The following CA13 variants were observed in gnomAD, a reference collection of about 807,000 sequenced individuals.
CA13 encodes the protein CA-XIII.
Under a neutral mutation model 31.5 loss-of-function variants are expected in CA13, and 21 were observed. The observed-to-expected ratio is 0.67, with a 90% CI of 0.47 to 0.96. The LOEUF is 0.96. Ranked by LOEUF, CA13 falls within the 40% of genes least tolerant of loss-of-function variation. CA13 has a pLI of 0.00. For missense variants in CA13, 315 were observed against 318.9 expected, an observed-to-expected ratio of 0.99 and a Z score of 0.09; for synonymous variants, 117 against 111.4, an observed-to-expected ratio of 1.05 and a Z score of -0.32.
At chr8:85,272,521 G>T (rs948851674) in intron 6 of CA13, among the ~76,000 whole-genome samples, 1 of 152,132 alleles carries the variant, frequency 6.6e-6, no homozygotes, top group African/African-American at 2.4e-5. Flanking sequence ...CTCCCAAAGT[G>T]CTGGGATTAC....
intron 2 of CA13, among the ~76,000 whole-genome samples, chr8:85,253,275 AT>A (rs1300263963): frequency 1.4e-5 from 2 of 139,892 alleles, no homozygotes; most frequent in East Asian, 2.3e-4. Context: ...TTATTTATTT[AT>A]TTTTTTGAGA....
chr8:85,282,166 C>T lies in CA13; in HGVS notation c.*817C>T, dbSNP rs1807718678. On this transcript the variant is annotated 3_prime_UTR_variant, in exon 7 of 7. Coordinates refer to ENST00000321764, the MANE Select transcript of CA13 (RefSeq NM_198584.3). ...ATTTTTGCAGTGATTATATTGCTAA[C>T]TCTCATTGCATGATACCTTTAATAA... 6.6e-6 allele frequency: 1 copy of T among 152,174 alleles called. No individual in the cohort carries two copies. The highest frequency in any genetic ancestry group is 1.5e-5 in the Non-Finnish European group (1 of 68,022). 9.4% of individuals were successfully genotyped at this position (152,174 alleles called of 1,614,324 possible).
At chr8:85,250,573 A>G (rs1285338815) in intron 1 of CA13, among the ~76,000 whole-genome samples, 167 bp from the exon 2 acceptor site, 4 of 152,228 alleles carry the variant, frequency 2.6e-5, no homozygotes, top group Non-Finnish European at 5.9e-5. Flanking sequence ...AAAAACAACT[A>G]ATCTTGTAAA....
chr8:85,281,189 G>A, intron 6 of CA13, 41 bp from the exon 7 acceptor site: 1 of 1,598,026 alleles, frequency 6.3e-7, no homozygotes, highest in Non-Finnish European at 8.6e-7. Flanking sequence ...AATATTGGTG[G>A]GAATTTCTAT....
Position 85,267,906 on chromosome 8 carries a change from G to T in CA13, c.455G>T (p.Gly152Val). 1.3e-6 allele frequency: 2 copies of T among 1,591,766 alleles called. No homozygotes were observed. Among genetic ancestry groups the T allele is most frequent in the East Asian group, 2.2e-5 (1 of 44,568 alleles). The change falls in exon 5 of 7, where the codon GGT (glycine) becomes GTT (valine). Residue 152 changes from glycine (G) to valine (V), a missense_variant. Transcript: ENST00000321764. ...TTTGAAATTTCATGTTTTTAGATTG[G>T]TGAACCTAATTCCCAACTGCAAAAG... is the stretch of plus-strand genomic sequence containing the variant. ...LAVLGVFLQI[G>V]EPNSQLQKIT...
chr8:85,279,325 A>G (rs1305857343), intron 6 of CA13, among the ~76,000 whole-genome samples: 1 of 152,168 alleles, frequency 6.6e-6, no homozygotes, highest in Non-Finnish European at 1.5e-5. Context: ...CCAGCCAGGG[A>G]TGTGCATTTT....
At chr8:85,247,277 G>A (rs914773543) in intron 1 of CA13, among the ~76,000 whole-genome samples, 4 of 151,940 alleles carry the variant, frequency 2.6e-5, no homozygotes, top group Admixed American at 1.3e-4. Flanking sequence ...GAAGAAGAAG[G>A]GTATTTCAAT....
intron 6 of CA13, among the ~76,000 whole-genome samples, chr8:85,280,372 T>C (rs766826215): frequency 2.4e-4 from 37 of 152,316 alleles, no homozygotes; most frequent in Admixed American, 7.2e-4. Flanking sequence ...TAGAGCATGG[T>C]TATAAACTGT....
chr8:85,275,705 C>T (rs1351956434), intron 6 of CA13, among the ~76,000 whole-genome samples: 2 of 152,152 alleles, frequency 1.3e-5, no homozygotes, highest in Admixed American at 1.3e-4. Context: ...CACTGCTTAC[C>T]TTTTGGACAA....
intron 6 of CA13, among the ~76,000 whole-genome samples, chr8:85,275,981 G>A (rs1443224533): frequency 6.6e-6 from 1 of 152,234 alleles, no homozygotes; most frequent in African/African-American, 2.4e-5. Flanking sequence ...GAGCCCTTCA[G>A]CCCGCCGCTG....
rs955492609 is a variant in CA13, at chr8:85,250,833, C to T, written c.131C>T (p.Ser44Phe). ...IKTKEVKYDS[S>F]LRPLSIKYDP... ...ACCAAAGAAGTGAAATATGACTCTT[C>T]CCTCCGACCACTTAGTATCAAGTAT... is the stretch of plus-strand genomic sequence containing the variant. Residue 44 changes from serine (S) to phenylalanine (F), a missense_variant, in exon 2 of 7, where the codon TCC becomes TTC. Transcript: ENST00000321764. 1.9e-6 allele frequency: 3 copies of T among 1,613,806 alleles called. No homozygotes were observed. Among genetic ancestry groups the T allele is most frequent in the African/African-American group, 1.3e-5 (1 of 74,990 alleles).
At chr8:85,277,396 G>A (rs998888527) in intron 6 of CA13, among the ~76,000 whole-genome samples, 12 of 152,030 alleles carry the variant, frequency 7.9e-5, no homozygotes, top group Non-Finnish European at 1.5e-4. Context: ...CTGAGCCAGC[G>A]AGACCATGAA....
At chr8:85,270,675 C>T (rs1807516573) in intron 6 of CA13, among the ~76,000 whole-genome samples, 1 of 152,204 alleles carries the variant, frequency 6.6e-6, no homozygotes, top group Non-Finnish European at 1.5e-5. Flanking sequence ...TGTTTTCCCT[C>T]ATATTTCAAG....
At chr8:85,253,124 T>C (rs1333080874) in intron 2 of CA13, among the ~76,000 whole-genome samples, 1 of 152,072 alleles carries the variant, frequency 6.6e-6, no homozygotes, top group Non-Finnish European at 1.5e-5. Context: ...TTTGTATTTT[T>C]AGTAGAGACA....
Position 85,258,930 on chromosome 8 carries a change from GA to G in CA13, c.236-479del, listed in dbSNP as rs113066718. Among the ~76,000 whole-genome samples, 599 of 142,000 alleles carry G rather than the reference GA, an allele frequency of 4.2e-3. 1 individual carries two copies. The highest frequency in any genetic ancestry group is 0.011 in the African/African-American group (422 of 38,934). The allele number at this position is 142,000 out of a possible 152,430, so 93.2% of individuals were successfully genotyped here. On this transcript the variant is annotated intron_variant, in intron 2 of 6. Transcript: ENST00000321764. ...CAACAGGGCGAGACCTTGTCTCAAG[GA>G]AAAAAAAAAAAGAAGTTAGAGTTTG...
chr8:85,278,031 C>A (rs887483846), intron 6 of CA13, among the ~76,000 whole-genome samples: 1 of 151,526 alleles, frequency 6.6e-6, no homozygotes, highest in Non-Finnish European at 1.5e-5. Context: ...AAGGCTGAGG[C>A]GGGAGGATCA....
chr8:85,251,747 A>T (rs1461779347), intron 2 of CA13, among the ~76,000 whole-genome samples: 1 of 152,212 alleles, frequency 6.6e-6, no homozygotes, highest in Non-Finnish European at 1.5e-5. Flanking sequence ...ACAAATATTA[A>T]TGTCTCTTTC....
intron 2 of CA13, among the ~76,000 whole-genome samples, chr8:85,253,437 G>T (rs1340024569): frequency 6.6e-6 from 1 of 151,316 alleles, no homozygotes; most frequent in Non-Finnish European, 1.5e-5. Flanking sequence ...GCTAATTTTT[G>T]TATTTTTCAT....
intron 6 of CA13, among the ~76,000 whole-genome samples, chr8:85,278,843 G>A (rs2130016359): frequency 6.6e-6 from 1 of 152,288 alleles, no homozygotes; most frequent in Admixed American, 6.5e-5. Context: ...TGCATGGCTT[G>A]TCAAGATGGC....
Sources: allele counts gnomAD v4.1 joint callset (sites outside exome capture counted in the v4.1 genomes callset), GRCh38; gene constraint gnomAD v4.1.1; transcripts MANE v1.5; gene names NCBI Gene and HGNC (gene_info 2026-07-23, HGNC 2026-07-21).